The following SMOC2 variants were observed in gnomAD, a reference collection of about 807,000 sequenced individuals.
SMOC2 encodes SPARC related modular calcium binding 2, also known as SPARC-related modular calcium-binding protein 2.
In SMOC2, 39 loss-of-function variants were observed where a neutral mutation model predicts 61.4. The observed-to-expected ratio is 0.64, with a 90% CI of 0.49 to 0.83. SMOC2 has a LOEUF of 0.83. Among genes scored for constraint, SMOC2 ranks in the 40% least tolerant of loss-of-function variants. SMOC2 has a pLI of 0.00. For synonymous variants in SMOC2, 247 were observed against 239.9 expected (o/e 1.03, Z -0.27); for missense variants, 556 against 592.9 (o/e 0.94, Z 0.65).
At chr6:168,563,864 G>C (rs983599786) in intron 7 of SMOC2, among the ~76,000 whole-genome samples, 1 of 152,088 alleles carries the variant, frequency 6.6e-6, no homozygotes. Flanking sequence ...CCGGAGGCTC[G>C]GTGTCCGTAG....
chr6:168,558,906 C>A (rs1262326678), intron 7 of SMOC2, among the ~76,000 whole-genome samples: 1 of 150,506 alleles, frequency 6.6e-6, no homozygotes, highest in Non-Finnish European at 1.5e-5. Flanking sequence ...TGTGTGTGCA[C>A]GTGTGTATGT....
chr6:168,502,676 G>A (rs1388831124), intron 1 of SMOC2, among the ~76,000 whole-genome samples: 1 of 152,124 alleles, frequency 6.6e-6, no homozygotes, highest in Non-Finnish European at 1.5e-5. Context: ...AAGACAAGCT[G>A]CCTTTGAAAA....
chr6:168,569,945 ATTTTCTCCTGCGTTACC>A (rs1784626504), intron 7 of SMOC2, among the ~76,000 whole-genome samples: 2 of 152,024 alleles, frequency 1.3e-5, no homozygotes, highest in Admixed American at 1.3e-4. Flanking sequence ...GGTCACCTAG[ATTTTCTCCTGCGTTACC>A]TTCTAGGAGT....
At chr6:168,659,706 G>T (rs76223333) in intron 11 of SMOC2, among the ~76,000 whole-genome samples, 1 of 64,208 alleles carries the variant, frequency 1.6e-5, no homozygotes, top group Non-Finnish European at 3.3e-5. Flanking sequence ...GAGGGTGGAG[G>T]TTGTAGGCTG....
intron 1 of SMOC2, among the ~76,000 whole-genome samples, chr6:168,459,335 G>GGAATCT (rs1240920092): frequency 6.6e-6 from 1 of 152,188 alleles, no homozygotes; most frequent in African/African-American, 2.4e-5. Context: ...TCCCTGGTGG[G>GGAATCT]GAATCTGGGC....
chr6:168,471,322 A>T (rs546181462), intron 1 of SMOC2, among the ~76,000 whole-genome samples: 1 of 152,274 alleles, frequency 6.6e-6, no homozygotes, highest in East Asian at 1.9e-4. Context: ...TACCTCATAT[A>T]TGTAGAATCA....
chr6:168,660,814 C>A (rs1787490345), intron 11 of SMOC2, among the ~76,000 whole-genome samples: 1 of 152,214 alleles, frequency 6.6e-6, no homozygotes, highest in African/African-American at 2.4e-5. Context: ...AGTTCTTAGC[C>A]CCTGGCGAGG....
chr6:168,655,771 T>G (rs1787306719), intron 11 of SMOC2, among the ~76,000 whole-genome samples: 2 of 152,228 alleles, frequency 1.3e-5, no homozygotes, highest in African/African-American at 4.8e-5. Context: ...TAAATCCCAC[T>G]GCACATGTGT....
chr6:168,607,915 G>A (rs1477996847), intron 8 of SMOC2, among the ~76,000 whole-genome samples: 4 of 151,852 alleles, frequency 2.6e-5, no homozygotes, highest in African/African-American at 4.9e-5. Flanking sequence ...ATGGAGAGAC[G>A]GCCCTGCTGT....
chr6:168,622,406 C>T (rs1193551479), intron 9 of SMOC2, among the ~76,000 whole-genome samples: 2 of 151,908 alleles, frequency 1.3e-5, no homozygotes, highest in African/African-American at 4.8e-5. Flanking sequence ...AATTAAACTC[C>T]TTTACATTAA....
intron 1 of SMOC2, among the ~76,000 whole-genome samples, chr6:168,443,433 C>A (rs1478853868): frequency 1.3e-5 from 2 of 152,190 alleles, no homozygotes; most frequent in African/African-American, 4.8e-5. Context: ...GGAGCTGATA[C>A]CCCACGTGGG....
rs756447894 is a variant in SMOC2, at chr6:168,535,754, G to T, written c.464-7871G>T. 4.6e-5 allele frequency among the ~76,000 whole-genome samples: 7 copies of T among 152,242 alleles called. No homozygotes were observed. The highest frequency in any genetic ancestry group is 8.8e-5 in the Non-Finnish European group (6 of 68,048). ...AAACTGAGGTTGAGCTGGAGGTGAGGATGTCAGGAGAGAGGCAGCGCCGCC... is the reference window on the plus strand; with the variant it reads ...AAACTGAGGTTGAGCTGGAGGTGAGTATGTCAGGAGAGAGGCAGCGCCGCC... On this transcript the variant is annotated intron_variant, in intron 4 of 12. Transcript: ENST00000356284. The surrounding 1 kb of genome is among the most constrained non-coding windows in gnomAD (Gnocchi z 4.6).
intron 1 of SMOC2, among the ~76,000 whole-genome samples, chr6:168,509,713 A>C (rs146665328): frequency 6.6e-6 from 1 of 152,126 alleles, no homozygotes; most frequent in African/African-American, 2.4e-5. Flanking sequence ...AGAACTTCCA[A>C]ATTATCTAGG....
intron 9 of SMOC2, among the ~76,000 whole-genome samples, chr6:168,635,588 G>A (rs1253928142): frequency 6.6e-6 from 1 of 152,096 alleles, no homozygotes; most frequent in Non-Finnish European, 1.5e-5. Context: ...AAGTTTACTG[G>A]GGCTGGGCAT....
intron 9 of SMOC2, among the ~76,000 whole-genome samples, chr6:168,617,649 A>G (rs1786128966): frequency 6.6e-6 from 1 of 152,174 alleles, no homozygotes; most frequent in Non-Finnish European, 1.5e-5. Flanking sequence ...GCGAGTTTCC[A>G]AATAGACTGT....
At chr6:168,519,580 G>A (rs750835612) in intron 2 of SMOC2, among the ~76,000 whole-genome samples, 1 of 152,124 alleles carries the variant, frequency 6.6e-6, no homozygotes, top group Non-Finnish European at 1.5e-5. Context: ...ACAGCCGGAC[G>A]TTCCTAGAAC....
At chr6:168,492,441 G>A (rs1020817760) in intron 1 of SMOC2, among the ~76,000 whole-genome samples, 10 of 152,172 alleles carry the variant, frequency 6.6e-5, no homozygotes, top group African/African-American at 1.7e-4. Flanking sequence ...GGGCAAATTC[G>A]CACAACAATG....
At chr6:168,623,698 G>A (rs1360602818) in intron 9 of SMOC2, among the ~76,000 whole-genome samples, 4 of 151,986 alleles carry the variant, frequency 2.6e-5, no homozygotes, top group African/African-American at 7.3e-5. Context: ...TAATCCCAGC[G>A]ACTCAGGAAG....
chr6:168,443,800 A>T (rs905526260), intron 1 of SMOC2, among the ~76,000 whole-genome samples: 2 of 152,224 alleles, frequency 1.3e-5, no homozygotes, highest in African/African-American at 4.8e-5. Context: ...ATCAAGAGGC[A>T]GTATCAGTCC....
Sources: gnomAD v4.1 joint callset for allele counts (sites outside exome capture counted in the v4.1 genomes callset) on GRCh38, gnomAD v4.1.1 for gene constraint, Gnocchi (gnomAD v3.1) non-coding constraint, MANE v1.5 for transcripts, NCBI Gene and HGNC (gene_info 2026-07-23, HGNC 2026-07-21) for gene names.